The following GRM7 variants were observed in gnomAD, a reference collection of about 807,000 sequenced individuals.
The protein encoded by GRM7 is glutamate metabotropic receptor 7, also known as metabotropic glutamate receptor 7.
In GRM7, 35 loss-of-function variants were observed where a neutral mutation model predicts 84.5. The ratio of observed to expected loss-of-function variants is 0.41; its 90% confidence interval spans 0.32 to 0.55. The LOEUF (loss-of-function observed/expected upper bound fraction) is 0.55. Among genes scored for constraint, GRM7 ranks in the 20% least tolerant of loss-of-function variants. The pLI is 0.19. For missense variants in GRM7, 1,003 were observed against 1,194.6 expected (o/e 0.84, Z 2.36); for synonymous variants, 487 against 455.1 (o/e 1.07, Z -0.89).
At chr3:7,587,824 G>C (rs201840043) in intron 8 of GRM7, among the ~76,000 whole-genome samples, 2 of 152,156 alleles carry the variant, frequency 1.3e-5, no homozygotes, top group East Asian at 3.9e-4. Flanking sequence ...GCAGAAGAAT[G>C]AGAAGAATCC....
chr3:7,293,099 T>C (rs1699693512), intron 2 of GRM7, among the ~76,000 whole-genome samples: 1 of 151,988 alleles, frequency 6.6e-6, no homozygotes, highest in African/African-American at 2.4e-5. Context: ...TAAATAAAAT[T>C]GGCATATCTA....
chr3:6,877,275 CA>C (rs398105566), intron 1 of GRM7, among the ~76,000 whole-genome samples: 6 of 140,304 alleles, frequency 4.3e-5, no homozygotes, highest in African/African-American at 1.5e-4. Flanking sequence ...TAGCTGATTC[CA>C]CAGTGTCAAA....
intron 1 of GRM7, among the ~76,000 whole-genome samples, chr3:6,966,201 T>C (rs1302468707): frequency 6.6e-6 from 1 of 152,210 alleles, no homozygotes. Context: ...CCAGAATTTA[T>C]GTATTTTGGT....
Position 7,465,640 on chromosome 3 carries a change from A to G in GRM7, c.1515+3918A>G, listed in dbSNP as rs370942508. Among the ~76,000 whole-genome samples, 113 of 152,252 alleles carry G rather than the reference A, an allele frequency of 7.4e-4. 3 individuals are homozygous for G. The South Asian group carries it at 0.022, about 29-fold the overall frequency. On this transcript the variant is annotated intron_variant, in intron 7 of 9. Coordinates refer to ENST00000357716, the MANE Select transcript of GRM7 (RefSeq NM_000844.4). ...TTGTAGGTTTGCTTTCCTCTAGTCA[A>G]TGGAACAAAATAAAGTATTTCAAGT...
Position 7,572,839 on chromosome 3 carries a change from T to A in GRM7, c.1516-5583T>A, listed in dbSNP as rs1329561301. The stretch of plus-strand genomic sequence containing the variant: ...TCTATCTCAAATATATATATATATA[T>A]ATATATATATATATATATATATATA... On this transcript the variant is annotated intron_variant, in intron 7 of 9. Coordinates refer to ENST00000357716, the MANE Select transcript of GRM7 (RefSeq NM_000844.4). Among the ~76,000 whole-genome samples the A allele has an allele frequency of 7.8e-4, 11 of 14,112 alleles. 2 individuals are homozygous for A. In the South Asian group the frequency reaches 0.013, roughly 17 times the overall value. 9.3% of individuals were successfully genotyped at this position (14,112 alleles called of 152,430 possible).
intron 1 of GRM7, among the ~76,000 whole-genome samples, chr3:7,145,761 T>G (rs1231395133): frequency 6.6e-6 from 1 of 152,082 alleles, no homozygotes; most frequent in Admixed American, 6.5e-5. Context: ...TCAGAGGCCC[T>G]TGTGGCCTCC....
At chr3:6,959,354 A>G (rs1392909620) in intron 1 of GRM7, among the ~76,000 whole-genome samples, 1 of 152,220 alleles carries the variant, frequency 6.6e-6, no homozygotes, top group Non-Finnish European at 1.5e-5. Context: ...AAAGAATTCC[A>G]TCAAAACTAG....
rs569900317 is a variant in GRM7 at position 6,945,766 on chromosome 3, G to C, written c.519+83859G>C. 1.7e-3 allele frequency among the ~76,000 whole-genome samples: 266 copies of C among 152,300 alleles called. 1 individual carries two copies. Among genetic ancestry groups the C allele is most frequent in the African/African-American group, 5.7e-3 (235 of 41,570 alleles). On this transcript the variant is annotated intron_variant, in intron 1 of 9. Coordinates refer to ENST00000357716, the MANE Select transcript of GRM7 (RefSeq NM_000844.4). ...TAATGATCGCCATTCTAACCGGTGT[G>C]AGATGGTACCTCATTGTGGTTTTGA...
chr3:7,475,106 G>C (rs911814725), intron 7 of GRM7, among the ~76,000 whole-genome samples: 1 of 152,188 alleles, frequency 6.6e-6, no homozygotes, highest in Non-Finnish European at 1.5e-5. Flanking sequence ...GGATGACAAT[G>C]AGAAAGAAGT....
At chr3:7,515,743 C>T (rs1700353131) in intron 7 of GRM7, among the ~76,000 whole-genome samples, 1 of 152,120 alleles carries the variant, frequency 6.6e-6, no homozygotes, top group Admixed American at 6.5e-5. Context: ...TTTAGAACGC[C>T]ATAATCTCAG....
At chr3:6,909,821 T>C (rs1696704890) in intron 1 of GRM7, among the ~76,000 whole-genome samples, 1 of 152,040 alleles carries the variant, frequency 6.6e-6, no homozygotes, top group Non-Finnish European at 1.5e-5. Context: ...TTTCTATCCA[T>C]GATATATAAA....
chr3:7,612,373 T>C (rs960381142), intron 8 of GRM7, among the ~76,000 whole-genome samples: 3 of 152,306 alleles, frequency 2.0e-5, no homozygotes, highest in East Asian at 1.9e-4. Flanking sequence ...GTATTTCCTA[T>C]GCCAGGCCCT....
At chr3:7,554,147 T>G (rs1355417729) in intron 7 of GRM7, among the ~76,000 whole-genome samples, 2 of 152,194 alleles carry the variant, frequency 1.3e-5, no homozygotes, top group African/African-American at 2.4e-5. Context: ...GCATTCTAAT[T>G]CCATAGAAAT....
chr3:7,680,074 C>G lies in GRM7; in HGVS notation c.2477C>G (p.Thr826Arg). The change falls in exon 9 of 10, where the codon ACA becomes AGA. Residue 826 changes from threonine to arginine, a missense_variant. Coordinates refer to ENST00000357716, the MANE Select transcript of GRM7 (RefSeq NM_000844.4). Reference sequence around the variant, plus strand: ...CTCTACATACAAACTACCACGCTTACAATCTCCATGAACCTAAGTGCATCA... The same window carrying G: ...CTCTACATACAAACTACCACGCTTAGAATCTCCATGAACCTAAGTGCATCA... ...EKLYIQTTTL[T>R]ISMNLSASVA... The G allele has an allele frequency of 6.2e-7, 1 of 1,613,972 alleles. No individual in the cohort carries two copies. The highest frequency in any genetic ancestry group is 8.5e-7 in the Non-Finnish European group (1 of 1,179,858).
intron 8 of GRM7, among the ~76,000 whole-genome samples, chr3:7,656,541 G>GCACACACA (rs1304438630): frequency 6.9e-5 from 4 of 58,276 alleles, no homozygotes; most frequent in African/African-American, 1.0e-4. Flanking sequence ...ATATATATAC[G>GCACACACA]CGCGCGCACA....
Position 7,023,413 on chromosome 3 carries a change from T to C in GRM7, c.520-123039T>C, listed in dbSNP as rs375322442. On this transcript the variant is annotated intron_variant, in intron 1 of 9. Coordinates refer to ENST00000357716, the MANE Select transcript of GRM7 (RefSeq NM_000844.4). ...GACCTTGGTTCTGAGGCTTACTTCT[T>C]AGGGCCTTTCGATTTTCAAAGGCAC... Among the ~76,000 whole-genome samples the C allele has an allele frequency of 5.9e-5, 9 of 152,222 alleles. 1 individual carries two copies. The East Asian group carries it at 1.8e-3, about 30-fold the overall frequency.
At chr3:7,293,619 C>T (rs1699714119) in intron 2 of GRM7, among the ~76,000 whole-genome samples, 2 of 152,168 alleles carry the variant, frequency 1.3e-5, no homozygotes, top group Admixed American at 6.5e-5. Flanking sequence ...GCATCAAACT[C>T]TGATTAGATT....
At chr3:6,979,937 G>T (rs1259577526) in intron 1 of GRM7, among the ~76,000 whole-genome samples, 1 of 151,888 alleles carries the variant, frequency 6.6e-6, no homozygotes, top group African/African-American at 2.4e-5. Context: ...TTCTGTGAGG[G>T]GTAACATTCT....
At chr3:7,728,655 C>T (rs1435496037) in intron 9 of GRM7, among the ~76,000 whole-genome samples, 1 of 152,144 alleles carries the variant, frequency 6.6e-6, no homozygotes, top group Non-Finnish European at 1.5e-5. Flanking sequence ...GAGCAAGGCT[C>T]TTATGGAACA....
Sources: gnomAD v4.1 joint callset for allele counts (sites outside exome capture counted in the v4.1 genomes callset) on GRCh38, gnomAD v4.1.1 for gene constraint, MANE v1.5 for transcripts, NCBI Gene and HGNC (gene_info 2026-07-23, HGNC 2026-07-21) for gene names.